The following NF1 variants were observed in gnomAD, a reference collection of about 807,000 sequenced individuals.
NF1 encodes the protein neurofibromin 1.
A neutral mutation model predicts 325.7 loss-of-function variants in NF1; 122 were observed. The ratio of observed to expected loss-of-function variants is 0.37; its 90% CI spans 0.32 to 0.44. The LOEUF (loss-of-function observed/expected upper bound fraction) is 0.44, where lower values mean the gene tolerates loss of function less well. Among genes scored for constraint, NF1 ranks in the 20% least tolerant of loss-of-function variants. NF1 has a pLI of 1.00. For missense variants in NF1, 2,140 were observed against 3,415.4 expected, an observed-to-expected ratio of 0.63 and a Z score of 9.31; for synonymous variants, 1,091 against 1,186.0, an observed-to-expected ratio of 0.92 and a Z score of 1.65.
At position 31,326,224 on chromosome 17, in the gene NF1, C is replaced by G. The variant is rs2151539025; in HGVS notation, c.5240C>G (p.Ala1747Gly). The G allele has an allele frequency of 6.2e-7, 1 of 1,611,210 alleles. No individual in the cohort carries two copies. The highest frequency in any genetic ancestry group is 8.5e-7 in the Non-Finnish European group (1 of 1,179,992). ...LKVFHNALKL[A>G]HKDTKVSIKV... ...GTATTCCACAATGCTCTCAAGCTAG[C>G]TCACAAAGACACCAAAGTTTCTATT... Residue 1747 changes from alanine to glycine, a missense_variant, in exon 37 of 58, where the codon GCT (alanine) becomes GGT (glycine). Around this residue, in one of 10 missense-constraint regions of NF1, gnomAD observed 147 missense variants for 186.7 expected, o/e 0.79. Coordinates refer to ENST00000358273, the MANE Select transcript of NF1 (RefSeq NM_001042492.3).
chr17:31,222,079 A>G, intron 15 of NF1, 150 bp downstream of exon 15: 1 of 1,297,192 alleles, frequency 7.7e-7, no homozygotes, highest in Non-Finnish European at 9.8e-7. Context: ...TCAAATTATT[A>G]GAATTTCTTG....
At chr17:31,363,959 T>C (rs187136882) in intron 57 of NF1, among the ~76,000 whole-genome samples, 127 of 151,664 alleles carry the variant, frequency 8.4e-4, no homozygotes, top group African/African-American at 3.0e-3. Flanking sequence ...CAGGCTGGTC[T>C]CGAACTCCTG....
At chr17:31,142,213 T>C (rs1366094564) in intron 1 of NF1, among the ~76,000 whole-genome samples, 2 of 152,342 alleles carry the variant, frequency 1.3e-5, no homozygotes, top group African/African-American at 2.4e-5. Flanking sequence ...TTAATAGAGA[T>C]CATAATTAAA....
At chr17:31,307,543 G>A (rs983321350) in intron 36 of NF1, among the ~76,000 whole-genome samples, 1 of 152,202 alleles carries the variant, frequency 6.6e-6, no homozygotes, top group African/African-American at 2.4e-5. Context: ...TGTGGTAGAT[G>A]CTAAAACTTG....
intron 8 of NF1, chr17:31,183,611 T>C (rs1003337988): frequency 1.3e-5 from 2 of 152,254 alleles, no homozygotes; most frequent in African/African-American, 4.8e-5. Context: ...GAGTGTCAAC[T>C]TGATTGGATT....
intron 48 of NF1, among the ~76,000 whole-genome samples, chr17:31,348,775 TAAG>T (rs2070061158): frequency 6.6e-6 from 1 of 152,108 alleles, no homozygotes; most frequent in Admixed American, 6.5e-5. Context: ...AATGAAATCT[TAAG>T]GAGAATTATA....
At chr17:31,141,856 G>C (rs1227560024) in intron 1 of NF1, among the ~76,000 whole-genome samples, 2 of 152,134 alleles carry the variant, frequency 1.3e-5, no homozygotes, top group African/African-American at 4.8e-5. Flanking sequence ...TCCGTTTCTT[G>C]TGGGCTTCTT....
chr17:31,308,890 T>C (rs1427110107), intron 36 of NF1, among the ~76,000 whole-genome samples: 1 of 152,244 alleles, frequency 6.6e-6, no homozygotes, highest in Non-Finnish European at 1.5e-5. Context: ...TGTTTACTTT[T>C]CACATTTTCC....
At chr17:31,147,915 G>C (rs1396761151) in intron 1 of NF1, among the ~76,000 whole-genome samples, 1 of 152,172 alleles carries the variant, frequency 6.6e-6, no homozygotes, top group Non-Finnish European at 1.5e-5. Flanking sequence ...GTGAACACCA[G>C]AATCTCTGAT....
At chr17:31,234,661 ACT>A (rs921379699) in intron 27 of NF1, among the ~76,000 whole-genome samples, 1 of 121,646 alleles carries the variant, frequency 8.2e-6, no homozygotes, top group African/African-American at 3.4e-5. Flanking sequence ...ACAGAGCGAG[ACT>A]CTGTCTCAAA....
intron 4 of NF1, among the ~76,000 whole-genome samples, chr17:31,168,546 C>T (rs926544806): frequency 6.6e-6 from 1 of 152,150 alleles, no homozygotes; most frequent in Admixed American, 6.5e-5. Context: ...TCACCTTGCT[C>T]TCCATTTTTT....
At position 31,176,911 on chromosome 17, in the gene NF1, C is replaced by T. The variant is rs189167025; in HGVS notation, c.587-4511C>T. Among the ~76,000 whole-genome samples, 6 of 152,122 alleles carry T rather than the reference C, an allele frequency of 3.9e-5. No individual in the cohort carries two copies. In the East Asian group the frequency reaches 1.2e-3, roughly 29 times the overall value. ...TACCATGCTGTTTTGGTTACTGTAGCCTTGTATAGTTTGAAGTCAGGTAGT... is the reference window on the plus strand; with the variant it reads ...TACCATGCTGTTTTGGTTACTGTAGTCTTGTATAGTTTGAAGTCAGGTAGT... On this transcript the variant is annotated intron_variant, in intron 5 of 57. Transcript: ENST00000358273.
At chr17:31,295,765 G>A (rs1567879429) in intron 36 of NF1, 3 of 1,614,140 alleles carry the variant, frequency 1.9e-6, no homozygotes, top group African/African-American at 2.7e-5. Flanking sequence ...GATTTGTCAG[G>A]TTTATTAATG....
chr17:31,332,413 G>C (rs1358552724), intron 39 of NF1, among the ~76,000 whole-genome samples: 1 of 151,604 alleles, frequency 6.6e-6, no homozygotes, highest in Non-Finnish European at 1.5e-5. Flanking sequence ...GCAGTGAGCC[G>C]AGATCACTCC....
chr17:31,359,089 AAC>A, intron 56 of NF1, 74 bp downstream of exon 56: 1 of 1,182,532 alleles, frequency 8.5e-7, no homozygotes, highest in Admixed American at 1.8e-5. Context: ...CTGCTTTAAG[AAC>A]ACACAATGTG....
rs2071009 is a variant in NF1, at chr17:31,231,064, T to C, written c.3197+139T>C. On this transcript the variant is annotated intron_variant, in intron 24 of 57. Transcript: ENST00000358273. ...CTTTTGTGTTTGAAATATGTAAAGATGCTAATCTTTATTACTGCTTTTTTT... is the reference window on the plus strand; with the variant it reads ...CTTTTGTGTTTGAAATATGTAAAGACGCTAATCTTTATTACTGCTTTTTTT... The C allele has an allele frequency of 0.37, 254,420 of 682,418 alleles. 55,995 individuals carry two copies. Among genetic ancestry groups the C allele is most frequent in the African/African-American group, 0.81 (45,085 of 55,804 alleles). 42.3% of individuals were successfully genotyped at this position (682,418 alleles called of 1,614,324 possible). A position where few individuals can be genotyped will look rare whatever the true frequency, so the allele number is the denominator to read the frequency against.
intron 15 of NF1, chr17:31,222,485 A>G (rs2144008800): frequency 2.9e-6 from 3 of 1,030,060 alleles, no homozygotes; most frequent in East Asian, 1.2e-4. Context: ...GTAAACCTCA[A>G]GTTTGCCATT....
At chr17:31,267,334 T>A (rs11080147) in intron 36 of NF1, among the ~76,000 whole-genome samples, 78,481 of 152,070 alleles carry the variant, frequency 0.52, 24,774 homozygotes, top group Middle Eastern at 0.74. Context: ...TCCTATAAAG[T>A]GTTTTGTGAC....
At chr17:31,351,001 A>G (rs903684061) in intron 50 of NF1, among the ~76,000 whole-genome samples, 1 of 152,198 alleles carries the variant, frequency 6.6e-6, no homozygotes, top group Non-Finnish European at 1.5e-5. Flanking sequence ...AAAGACTTCA[A>G]CAATTTCCTT....
Sources: gnomAD v4.1 joint callset for allele counts (sites outside exome capture counted in the v4.1 genomes callset) on GRCh38, gnomAD v4.1.1 for gene constraint, gnomAD v4.1.1 regional missense constraint, MANE v1.5 for transcripts, NCBI Gene and HGNC (gene_info 2026-07-23, HGNC 2026-07-21) for gene names.